MYT1L: variants seen among roughly 807,000 people sequenced by gnomAD.
MYT1L encodes the protein myelin transcription factor 1-like protein.
In MYT1L, 12 loss-of-function variants were observed where a neutral mutation model predicts 126.7. That is an observed-to-expected ratio of 0.09 (90% CI 0.06 to 0.15). MYT1L has a LOEUF of 0.15. MYT1L is among the 10% of genes least tolerant of loss of function. The probability of loss-of-function intolerance (pLI) is 1.00; values close to 1 mark genes in which losing one functional copy is unlikely to be tolerated. For synonymous variants in MYT1L, 541 were observed against 604.2 expected (o/e 0.90, Z 1.53); for missense variants, 979 against 1,585.2 (o/e 0.62, Z 6.49).
chr2:2,199,401 G>A (rs1336480531), intron 2 of MYT1L, among the ~76,000 whole-genome samples: 9 of 152,200 alleles, frequency 5.9e-5, no homozygotes, highest in Admixed American at 5.2e-4. Context: ...CTGCCATAAG[G>A]GATGGTGTAG....
At position 2,236,621 on chromosome 2, in the gene MYT1L, G is replaced by GCCCAGCACATCCCAACCCAA. The variant is rs1266281938; in HGVS notation, c.-421+47763_-421+47782dup. Among the ~76,000 whole-genome samples the GCCCAGCACATCCCAACCCAA allele has an allele frequency of 3.1e-4, 15 of 47,852 alleles. 1 individual carries two copies. Among genetic ancestry groups the GCCCAGCACATCCCAACCCAA allele is most frequent in the East Asian group, 6.4e-4 (1 of 1,568 alleles). 31.4% of individuals were successfully genotyped at this position (47,852 alleles called of 152,430 possible). ...ACCCAACCCAGCACATCCCAACCCA[G>GCCCAGCACATCCCAACCCAA]CCCAGCACATCCCAACCCAACCCAG... On this transcript the variant is annotated intron_variant, in intron 2 of 24. Transcript: ENST00000647738.
intron 1 of MYT1L, among the ~76,000 whole-genome samples, chr2:2,295,092 C>T (rs193203070): frequency 3.4e-4 from 52 of 152,184 alleles, no homozygotes; most frequent in Non-Finnish European, 5.9e-4. Context: ...ATCTATGATC[C>T]GCCTTTCCTG....
intron 1 of MYT1L, among the ~76,000 whole-genome samples, chr2:2,322,160 GT>G (rs113836212): frequency 0.02 from 2,912 of 145,388 alleles, 79 homozygotes; most frequent in African/African-American, 0.057. Flanking sequence ...ATATTTACCT[GT>G]TTTTTTTTTT....
At chr2:1,931,338 C>G (rs1033329109) in intron 9 of MYT1L, among the ~76,000 whole-genome samples, 1 of 152,174 alleles carries the variant, frequency 6.6e-6, no homozygotes, top group Admixed American at 6.5e-5. Flanking sequence ...CTCAGCGATG[C>G]CCATGTCTGC....
chr2:1,792,182 T>A (rs1446802295), intron 24 of MYT1L, 139 bp downstream of exon 24: 1 of 1,271,910 alleles, frequency 7.9e-7, no homozygotes, highest in Non-Finnish European at 1.1e-6. Context: ...TAGCAGTTAA[T>A]GGTATGGTTT....
intron 1 of MYT1L, chr2:2,303,534 G>A (rs990731675): frequency 6.6e-6 from 1 of 152,300 alleles, no homozygotes; most frequent in Non-Finnish European, 1.5e-5. Context: ...CTTGGGTCAG[G>A]ATGAGGGATC....
chr2:2,215,292 A>G (rs112520502), intron 2 of MYT1L, among the ~76,000 whole-genome samples: 1,773 of 152,274 alleles, frequency 0.012, 17 homozygotes, highest in Non-Finnish European at 0.016. Context: ...ATCTAACTCT[A>G]TCGCCTACAG....
intron 1 of MYT1L, among the ~76,000 whole-genome samples, chr2:2,288,813 T>C (rs1373828960): frequency 6.6e-6 from 1 of 152,216 alleles, no homozygotes; most frequent in African/African-American, 2.4e-5. Flanking sequence ...CACATACACA[T>C]GTTCAGCTTG....
chr2:2,217,067 A>C (rs1312510144), intron 2 of MYT1L, among the ~76,000 whole-genome samples: 1 of 152,230 alleles, frequency 6.6e-6, no homozygotes, highest in Non-Finnish European at 1.5e-5. Context: ...TCAGGTCTCG[A>C]TACTTCAGGT....
chr2:2,162,341 G>T (rs2088132685), intron 3 of MYT1L, among the ~76,000 whole-genome samples: 1 of 151,526 alleles, frequency 6.6e-6, no homozygotes, highest in Admixed American at 6.6e-5. Flanking sequence ...GGTGTCTAGG[G>T]TCCACAGAGA....
In MYT1L at chr2:2,228,881, C is replaced by CT. The variant is rs140859442; in HGVS notation, c.-421+55522dup. On this transcript the variant is annotated intron_variant, in intron 2 of 24. Coordinates refer to ENST00000647738, the MANE Select transcript of MYT1L (RefSeq NM_001303052.2). This position sits in a 1 kb window ranked among gnomAD's most constrained non-coding sequence, Gnocchi z 5.9. ...CTCAATATTAGCACATATTAACAAT[C>CT]TTTTTAAAAAATACAGGACAAGGGC... 1.3e-5 allele frequency among the ~76,000 whole-genome samples: 2 copies of CT among 152,164 alleles called. No individual in the cohort carries two copies. The highest frequency in any genetic ancestry group is 4.8e-5 in the African/African-American group (2 of 41,534).
At chr2:1,876,759 G>A (rs577998242) in intron 18 of MYT1L, among the ~76,000 whole-genome samples, 3 of 152,322 alleles carry the variant, frequency 2.0e-5, no homozygotes, top group African/African-American at 7.2e-5. Context: ...ACTCAGGACA[G>A]AACTAAAGTC....
intron 21 of MYT1L, among the ~76,000 whole-genome samples, chr2:1,838,179 G>T (rs1451977046): frequency 1.3e-5 from 2 of 152,090 alleles, no homozygotes; most frequent in Non-Finnish European, 2.9e-5. Flanking sequence ...CTCTCAAAGT[G>T]CTGGGATTAC....
At chr2:2,194,133 G>A (rs1334613713) in intron 2 of MYT1L, among the ~76,000 whole-genome samples, 4 of 152,144 alleles carry the variant, frequency 2.6e-5, no homozygotes, top group Non-Finnish European at 4.4e-5. Context: ...AGGCTGAAGT[G>A]CAGTGGTGTG....
At chr2:2,078,070 T>G (rs551442878) in intron 3 of MYT1L, among the ~76,000 whole-genome samples, 1 of 152,180 alleles carries the variant, frequency 6.6e-6, no homozygotes, top group Non-Finnish European at 1.5e-5. Context: ...TGGAAGAATA[T>G]GGTAACAAAG....
chr2:2,207,591 G>T (rs1160266898), intron 2 of MYT1L, among the ~76,000 whole-genome samples: 3 of 152,126 alleles, frequency 2.0e-5, no homozygotes, highest in Admixed American at 2.0e-4. Context: ...TGTCTATTTG[G>T]TTCACCACTA....
chr2:1,836,569 C>G (rs1253232411), intron 21 of MYT1L, among the ~76,000 whole-genome samples: 1 of 149,504 alleles, frequency 6.7e-6, no homozygotes, highest in Non-Finnish European at 1.5e-5. Flanking sequence ...AAAATTCTAT[C>G]AGCCCGCCCC....
intron 18 of MYT1L, among the ~76,000 whole-genome samples, chr2:1,872,308 T>C (rs766132027): frequency 6.6e-6 from 1 of 152,090 alleles, no homozygotes; most frequent in Non-Finnish European, 1.5e-5. Context: ...CAACGAAAGG[T>C]AGAACTGAAG....
At chr2:2,267,524 G>A (rs1212331714) in intron 2 of MYT1L, among the ~76,000 whole-genome samples, 3 of 152,100 alleles carry the variant, frequency 2.0e-5, no homozygotes, top group African/African-American at 7.2e-5. Flanking sequence ...ACCTAATAAA[G>A]GAATGGACAG....
Sources: allele counts gnomAD v4.1 joint callset (sites outside exome capture counted in the v4.1 genomes callset), GRCh38; gene constraint gnomAD v4.1.1; non-coding constraint Gnocchi (gnomAD v3.1); transcripts MANE v1.5; gene names NCBI Gene and HGNC (gene_info 2026-07-23, HGNC 2026-07-21).